AMBRA1: variants seen among roughly 807,000 people sequenced by gnomAD.
The protein encoded by AMBRA1 is activating molecule in BECN1-regulated autophagy protein 1.
Under a neutral mutation model 125.4 loss-of-function variants are expected in AMBRA1, and 47 were observed. That is an observed-to-expected ratio of 0.37 (90% CI 0.30 to 0.48). The LOEUF (loss-of-function observed/expected upper bound fraction) is 0.48. Ranked by LOEUF, AMBRA1 falls within the 20% of genes least tolerant of loss-of-function variation. AMBRA1 has a pLI of 0.99. For missense variants in AMBRA1, 1,331 were observed against 1,693.4 expected (o/e 0.79, Z 3.76); for synonymous variants, 626 against 655.5 (o/e 0.95, Z 0.69).
At chr11:46,577,436 T>C (rs1325792702) in intron 1 of AMBRA1, among the ~76,000 whole-genome samples, 3 of 152,112 alleles carry the variant, frequency 2.0e-5, no homozygotes, top group Non-Finnish European at 2.9e-5. Flanking sequence ...AGAATGCAGA[T>C]TGATGGTTAT....
At chr11:46,496,460 T>C (rs1402149889) in intron 9 of AMBRA1, among the ~76,000 whole-genome samples, 1 of 152,134 alleles carries the variant, frequency 6.6e-6, no homozygotes, top group African/African-American at 2.4e-5. Flanking sequence ...TCCACACCCA[T>C]GAGAGAGAGC....
chr11:46,415,120 G>A (rs1268828401), intron 15 of AMBRA1, among the ~76,000 whole-genome samples: 1 of 152,208 alleles, frequency 6.6e-6, no homozygotes, highest in Non-Finnish European at 1.5e-5. Context: ...GAATGGGTGT[G>A]CCAGGGAGCT....
chr11:46,468,135 C>T (rs940494259), intron 11 of AMBRA1, among the ~76,000 whole-genome samples: 2 of 152,128 alleles, frequency 1.3e-5, no homozygotes, highest in African/African-American at 2.4e-5. Flanking sequence ...AATGGCCAAA[C>T]AACAGCTGCC....
At chr11:46,505,035 G>A (rs1950981293) in intron 9 of AMBRA1, among the ~76,000 whole-genome samples, 1 of 152,206 alleles carries the variant, frequency 6.6e-6, no homozygotes, top group Non-Finnish European at 1.5e-5. Flanking sequence ...TCATCAAAGT[G>A]AGGTAGCAAA....
At position 46,551,310 on chromosome 11, in the gene AMBRA1, A is replaced by ATTTT. The variant is rs1187132606; in HGVS notation, c.-120-2811_-120-2810insAAAA. ...ATGGAATTTTAGTTAGTTTGTGGGG[A>ATTTT]CTTTATTTTTATTTTTTAAAGAAAC... On this transcript the variant is annotated intron_variant, in intron 1 of 17. Coordinates refer to ENST00000683756, the MANE Select transcript of AMBRA1 (RefSeq NM_001387011.1). 4.7e-3 allele frequency among the ~76,000 whole-genome samples: 635 copies of ATTTT among 134,752 alleles called. 3 individuals carry two copies. Among genetic ancestry groups the ATTTT allele is most frequent in the African/African-American group, 0.017 (533 of 31,992 alleles). 88.4% of individuals were successfully genotyped at this position (134,752 alleles called of 152,430 possible). A position where few individuals can be genotyped will look rare whatever the true frequency, so the allele number is the denominator to read the frequency against.
At chr11:46,403,319 A>G (rs1380007293) in intron 17 of AMBRA1, among the ~76,000 whole-genome samples, 1 of 152,110 alleles carries the variant, frequency 6.6e-6, no homozygotes, top group Non-Finnish European at 1.5e-5. Flanking sequence ...CCCTCTTCAC[A>G]TTTGCTTTTT....
chr11:46,423,266 G>C lies in AMBRA1; in HGVS notation c.2977-5214C>G, dbSNP rs193029814. ...GATCAATGAATTATTGAGTTTCTTCGACCCTAGGAAAGCCTGATTGCTTTT... is the reference window on the plus strand; with the variant it reads ...GATCAATGAATTATTGAGTTTCTTCCACCCTAGGAAAGCCTGATTGCTTTT... On this transcript the variant is annotated intron_variant, in intron 14 of 17. Transcript: ENST00000683756. Among the ~76,000 whole-genome samples the C allele has an allele frequency of 2.7e-3, 406 of 152,108 alleles. 2 individuals are homozygous for C. The highest frequency in any genetic ancestry group is 9.3e-3 in the African/African-American group (384 of 41,466).
chr11:46,544,041 A>G lies in AMBRA1; in HGVS notation c.552T>C (p.Arg184=). The G allele has an allele frequency of 6.2e-7, 1 of 1,613,034 alleles. No homozygotes were observed. Residue 184 remains arginine (R), a splice_region_variant and synonymous_variant, in exon 6 of 18, where the codon CGT becomes CGC. Transcript: ENST00000683756. ...GTCCAAGTGGATCAAATCTCACCAG[A>G]CTAAAATCACAGAAGAAAGAGACAA... ...VKTASEMERV[R]LVRFDPLGHY... is the part of the protein sequence containing the mutation.
rs1415709552 is a variant in AMBRA1, at chr11:46,542,109, G to A, written c.1908C>T (p.Ser636=). ...TCCTCTCCTCCTGCGGACTAGCAGA[G>A]CTGCTCAACTCCAGCCTGCTGGAGC... is the stretch of plus-strand genomic sequence containing the variant. ...TPSSSRLELS[S]SASPQEERTV... Residue 636 remains serine, a synonymous_variant, in exon 7 of 18, where the codon AGC becomes AGT. Transcript: ENST00000683756. The surrounding 1 kb of genome is among the most constrained non-coding windows in gnomAD (Gnocchi z 5.9). 2 of 1,613,914 alleles carry A rather than the reference G, an allele frequency of 1.2e-6. No individual in the cohort carries two copies. Among genetic ancestry groups the A allele is most frequent in the Admixed American group, 3.3e-5 (2 of 59,958 alleles).
chr11:46,537,215 G>A lies in AMBRA1; in HGVS notation c.2072+4730C>T, dbSNP rs530124352. 2.0e-5 allele frequency among the ~76,000 whole-genome samples: 3 copies of A among 152,250 alleles called. No individual in the cohort carries two copies. In the South Asian group the frequency reaches 6.2e-4, roughly 32 times the overall value. On this transcript the variant is annotated intron_variant, in intron 7 of 17. Transcript: ENST00000683756. ...AGACCTCCAATTTCTTACAATAAGA[G>A]TTAACTGAAAAGTTCCCTCAGGCAA... is the stretch of plus-strand genomic sequence containing the variant.
chr11:46,508,779 A>G (rs1039457698), intron 8 of AMBRA1, among the ~76,000 whole-genome samples: 5 of 152,218 alleles, frequency 3.3e-5, no homozygotes, highest in African/African-American at 1.2e-4. Context: ...GACCTGAGCA[A>G]TTATCTACCA....
chr11:46,494,134 A>C lies in AMBRA1; in HGVS notation c.2410T>G (p.Phe804Val). 6.2e-7 allele frequency: 1 copy of C among 1,607,162 alleles called. No individual in the cohort carries two copies. Among genetic ancestry groups the C allele is most frequent in the Non-Finnish European group, 8.5e-7 (1 of 1,176,306 alleles). ...ARMSAPSLGRFVPRRFLLPEY... is the reference protein window; with the variant it reads ...ARMSAPSLGRVVPRRFLLPEY... Reference sequence around the variant, plus strand: ...CAACTCGGTTCTTACCTTGGGACAAAGCGTCCAAGCGAAGGTGCAGACATC... The same window carrying C: ...CAACTCGGTTCTTACCTTGGGACAACGCGTCCAAGCGAAGGTGCAGACATC... Residue 804 changes from phenylalanine to valine, a missense_variant, in exon 10 of 18, where the codon TTT becomes GTT. Physicochemically the swap from Phe to Val is conservative, Grantham distance 50. Around this residue, in one of 4 missense-constraint regions of AMBRA1, gnomAD observed 354 missense variants for 532.7 expected, o/e 0.66. Transcript: ENST00000683756.
intron 11 of AMBRA1, among the ~76,000 whole-genome samples, chr11:46,445,599 ATTC>A (rs1948246479): frequency 1.3e-5 from 2 of 152,204 alleles, no homozygotes; most frequent in South Asian, 4.1e-4. Flanking sequence ...AATGAAAATC[ATTC>A]TTTAGTTACA....
chr11:46,508,161 G>A (rs1284463217), intron 9 of AMBRA1, 30 bp downstream of exon 9: 2 of 1,612,296 alleles, frequency 1.2e-6, no homozygotes, highest in South Asian at 2.2e-5. Context: ...TGAGAGGAGA[G>A]GGAAGAAAGC....
intron 9 of AMBRA1, among the ~76,000 whole-genome samples, chr11:46,505,571 A>C (rs1418451417): frequency 6.6e-6 from 1 of 152,062 alleles, no homozygotes; most frequent in Non-Finnish European, 1.5e-5. Context: ...GTCCATTGTT[A>C]CTAACCAGGG....
intron 11 of AMBRA1, among the ~76,000 whole-genome samples, chr11:46,474,576 C>T (rs1469442815): frequency 6.6e-6 from 1 of 152,154 alleles, no homozygotes; most frequent in Non-Finnish European, 1.5e-5. Context: ...TTAGTAGAGT[C>T]GGGGTTTCAC....
At chr11:46,503,232 T>A (rs767227712) in intron 9 of AMBRA1, among the ~76,000 whole-genome samples, 3 of 152,158 alleles carry the variant, frequency 2.0e-5, no homozygotes, top group Admixed American at 1.3e-4. Context: ...TCTTCCTTTT[T>A]CTTGAACATA....
chr11:46,490,635 G>A (rs1436615935), intron 11 of AMBRA1, among the ~76,000 whole-genome samples: 1 of 152,070 alleles, frequency 6.6e-6, no homozygotes, highest in Non-Finnish European at 1.5e-5. Flanking sequence ...AAAACTGCAG[G>A]TGTGTGTCTG....
At position 46,408,685 on chromosome 11, in the gene AMBRA1, C is replaced by T; in HGVS notation, c.3231G>A (p.Arg1077=). ...ERPGTSRATW[R]TDRDMGLMNA... ...TCATCAGCCCCATGTCTCTGTCTGT[C>T]CTCCATGTGGCTCTGCTGGTTCTAG... Residue 1077 remains arginine (R), a synonymous_variant, in exon 17 of 18, where the codon AGG becomes AGA. Coordinates refer to ENST00000683756, the MANE Select transcript of AMBRA1 (RefSeq NM_001387011.1). The T allele has an allele frequency of 6.4e-7, 1 of 1,565,366 alleles. No individual in the cohort carries two copies. Among genetic ancestry groups the T allele is most frequent in the South Asian group, 1.2e-5 (1 of 85,072 alleles).
Sources: allele counts gnomAD v4.1 joint callset (sites outside exome capture counted in the v4.1 genomes callset), GRCh38; gene constraint gnomAD v4.1.1; regional missense constraint gnomAD v4.1.1; non-coding constraint Gnocchi (gnomAD v3.1); transcripts MANE v1.5; gene names NCBI Gene and HGNC (gene_info 2026-07-23, HGNC 2026-07-21).